SYT9: variants seen among roughly 807,000 people sequenced by gnomAD.
SYT9 encodes synaptotagmin 9, also known as synaptotagmin-9.
A neutral mutation model predicts 48.4 loss-of-function variants in SYT9; 22 were observed. The ratio of observed to expected loss-of-function variants is 0.45; its 90% CI spans 0.32 to 0.65. The LOEUF is 0.65. Among genes scored for constraint, SYT9 ranks in the 30% least tolerant of loss-of-function variants. The pLI, the probability that SYT9 is intolerant of heterozygous loss-of-function variation, is 0.03. For synonymous variants in SYT9, 265 were observed against 245.0 expected, an observed-to-expected ratio of 1.08 and a Z score of -0.76; for missense variants, 577 against 622.0, an observed-to-expected ratio of 0.93 and a Z score of 0.77.
intron 3 of SYT9, among the ~76,000 whole-genome samples, chr11:7,371,816 G>T (rs1850367713): frequency 6.6e-6 from 1 of 152,152 alleles, no homozygotes; most frequent in South Asian, 2.1e-4. Flanking sequence ...TATGCTGTGA[G>T]TGTATCAGTA....
chr11:7,313,976 G>A, intron 3 of SYT9, 35 bp downstream of exon 3: 2 of 1,583,100 alleles, frequency 1.3e-6, no homozygotes, highest in South Asian at 1.2e-5. Context: ...TGTGGTGGGG[G>A]GCATCTTGGT....
chr11:7,429,850 T>C (rs1026107761), intron 6 of SYT9, among the ~76,000 whole-genome samples: 3 of 152,212 alleles, frequency 2.0e-5, no homozygotes, highest in African/African-American at 7.2e-5. Flanking sequence ...GACACTTGAC[T>C]CTCAGTGACA....
At chr11:7,285,539 A>G (rs892413667) in intron 1 of SYT9, among the ~76,000 whole-genome samples, 4 of 152,144 alleles carry the variant, frequency 2.6e-5, no homozygotes, top group African/African-American at 9.7e-5. Context: ...AAACCATATC[A>G]TTCCAACCCT....
chr11:7,250,459 CCA>C (rs1491515246), upstream of SYT9, among the ~76,000 whole-genome samples: 3 of 145,196 alleles, frequency 2.1e-5, no homozygotes, highest in Non-Finnish European at 3.0e-5. Context: ...CCACCCCCCC[CCA>C]GCATCACACT....
intron 3 of SYT9, among the ~76,000 whole-genome samples, chr11:7,336,563 G>A (rs1156703967): frequency 6.6e-6 from 1 of 152,128 alleles, no homozygotes; most frequent in Admixed American, 6.5e-5. Flanking sequence ...CATATGGCTA[G>A]CAAGTTATCC....
At chr11:7,454,964 A>G (rs1468370782) in intron 6 of SYT9, among the ~76,000 whole-genome samples, 2 of 152,246 alleles carry the variant, frequency 1.3e-5, no homozygotes, top group African/African-American at 2.4e-5. Context: ...GCCACAGTGT[A>G]TAGAGGACAG....
chr11:7,337,856 C>T (rs1365332579), intron 3 of SYT9, among the ~76,000 whole-genome samples: 1 of 152,114 alleles, frequency 6.6e-6, no homozygotes, highest in Non-Finnish European at 1.5e-5. Context: ...GCTTTGATAT[C>T]AGGATGATGC....
At chr11:7,241,248 A>AC (rs5789505) in intron 1 of SYT9, among the ~76,000 whole-genome samples, 14,658 of 147,274 alleles carry the variant, frequency 0.1, 1,190 homozygotes, top group African/African-American at 0.22. Flanking sequence ...GCACACACTC[A>AC]CCCCCCCCAC....
intron 3 of SYT9, among the ~76,000 whole-genome samples, chr11:7,318,854 G>A (rs1849287538): frequency 1.3e-5 from 2 of 152,178 alleles, no homozygotes; most frequent in East Asian, 1.9e-4. Flanking sequence ...TCTTTACACT[G>A]CTGAGTTCAG....
chr11:7,408,544 G>C (rs1023831283), intron 3 of SYT9, among the ~76,000 whole-genome samples: 2 of 152,172 alleles, frequency 1.3e-5, no homozygotes, highest in Non-Finnish European at 2.9e-5. Flanking sequence ...TTCTTATAGA[G>C]ATCTTTCAAC....
At chr11:7,256,782 A>AT (rs1847979545) in intron 1 of SYT9, among the ~76,000 whole-genome samples, 1 of 151,924 alleles carries the variant, frequency 6.6e-6, no homozygotes, top group Admixed American at 6.6e-5. Flanking sequence ...TATTCTGGAG[A>AT]TTTTTCTGCA....
At chr11:7,297,976 G>T (rs1273671776) in intron 1 of SYT9, among the ~76,000 whole-genome samples, 1 of 151,954 alleles carries the variant, frequency 6.6e-6, no homozygotes, top group Non-Finnish European at 1.5e-5. Context: ...TTCATGTTTT[G>T]AAATTTCACA....
rs190874959 is a variant in SYT9, at chr11:7,276,020, A to G, written c.145+23689A>G. 2.0e-3 allele frequency among the ~76,000 whole-genome samples: 306 copies of G among 152,218 alleles called. 3 individuals are homozygous for G. The highest frequency in any genetic ancestry group is 3.4e-3 in the Non-Finnish European group (231 of 67,996). ...CTATTTATCTGTCTTGTTCACTATTATGTTTGAGCCAATTTCTGGTGTCCA... is the reference window on the plus strand; with the variant it reads ...CTATTTATCTGTCTTGTTCACTATTGTGTTTGAGCCAATTTCTGGTGTCCA... On this transcript the variant is annotated intron_variant, in intron 1 of 6. Coordinates refer to ENST00000318881, the MANE Select transcript of SYT9 (RefSeq NM_175733.4).
intron 3 of SYT9, among the ~76,000 whole-genome samples, chr11:7,330,755 G>A (rs753461034): frequency 6.6e-6 from 1 of 152,098 alleles, no homozygotes; most frequent in Non-Finnish European, 1.5e-5. Context: ...GGAGGGCAGT[G>A]GTGTGATCTT....
chr11:7,468,911 T>C lies in SYT9; in HGVS notation c.*2111T>C, dbSNP rs1285422466. 2 of 152,266 alleles carry C rather than the reference T, an allele frequency of 1.3e-5. No individual in the cohort carries two copies. Among genetic ancestry groups the C allele is most frequent in the Non-Finnish European group, 2.9e-5 (2 of 68,080 alleles). The allele number at this position is 152,266 out of a possible 1,614,324, so 9.4% of individuals were successfully genotyped here. On this transcript the variant is annotated 3_prime_UTR_variant, in exon 7 of 7. Coordinates refer to ENST00000318881, the MANE Select transcript of SYT9 (RefSeq NM_175733.4). ...GGCTTTGTGTCTGGAAAGCTTTGCCTAGCCAGTACAGCTGTGAGCAGAGGC... is the reference window on the plus strand; with the variant it reads ...GGCTTTGTGTCTGGAAAGCTTTGCCCAGCCAGTACAGCTGTGAGCAGAGGC...
At chr11:7,367,258 T>G (rs1850270348) in intron 3 of SYT9, among the ~76,000 whole-genome samples, 1 of 150,516 alleles carries the variant, frequency 6.6e-6, no homozygotes, top group Admixed American at 6.6e-5. Context: ...ATTTTTTTTT[T>G]TTTTTTTGGT....
At chr11:7,348,787 T>TTACTGTCTC (rs1182770187) in intron 3 of SYT9, among the ~76,000 whole-genome samples, 1 of 151,292 alleles carries the variant, frequency 6.6e-6, no homozygotes, top group Non-Finnish European at 1.5e-5. Flanking sequence ...GGTTTTTCTT[T>TTACTGTCTC]TACTGTCTCT....
intron 3 of SYT9, among the ~76,000 whole-genome samples, chr11:7,403,897 AT>A (rs1846950759): frequency 6.6e-6 from 1 of 152,104 alleles, no homozygotes; most frequent in African/African-American, 2.4e-5. Flanking sequence ...ATGTGTCTGT[AT>A]ATTTATCCTC....
chr11:7,432,117 AGCT>A (rs1847586524), intron 6 of SYT9, among the ~76,000 whole-genome samples: 1 of 152,220 alleles, frequency 6.6e-6, no homozygotes, highest in Admixed American at 6.5e-5. Context: ...ATTCAACCCT[AGCT>A]CACGAGAGCA....
Sources: allele counts gnomAD v4.1 joint callset (sites outside exome capture counted in the v4.1 genomes callset), GRCh38; gene constraint gnomAD v4.1.1; transcripts MANE v1.5; gene names NCBI Gene and HGNC (gene_info 2026-07-23, HGNC 2026-07-21).